The following VWA3B variants were observed in gnomAD, a reference collection of about 807,000 sequenced individuals.
VWA3B encodes the protein von Willebrand factor A domain containing 3B.
A neutral mutation model predicts 158.3 loss-of-function variants in VWA3B; 138 were observed. The observed-to-expected ratio is 0.87, with a 90% CI of 0.76 to 1.00. The LOEUF is 1.00. Among genes scored for constraint, VWA3B ranks in the 50% least tolerant of loss-of-function variants. VWA3B has a pLI of 0.00. For missense variants in VWA3B, 1,555 were observed against 1,565.1 expected, an observed-to-expected ratio of 0.99 and a Z score of 0.11; for synonymous variants, 596 against 587.3, an observed-to-expected ratio of 1.01 and a Z score of -0.21.
intron 2 of VWA3B, among the ~76,000 whole-genome samples, chr2:98,106,226 A>G (rs1023322579): frequency 2.0e-5 from 3 of 151,840 alleles, no homozygotes; most frequent in Non-Finnish European, 1.5e-5. Context: ...TAGGTTCTCT[A>G]TTTGTTCTAT....
intron 7 of VWA3B, among the ~76,000 whole-genome samples, chr2:98,162,069 A>G (rs1678641001): frequency 6.6e-6 from 1 of 152,036 alleles, no homozygotes; most frequent in Admixed American, 6.6e-5. Flanking sequence ...CATGGCTGGG[A>G]CCTTGACTTT....
At chr2:98,249,800 C>A (rs1311259200) in intron 19 of VWA3B, among the ~76,000 whole-genome samples, 1 of 151,936 alleles carries the variant, frequency 6.6e-6, no homozygotes, top group Non-Finnish European at 1.5e-5. Flanking sequence ...GAGTAAAACT[C>A]CATCTCAAAA....
intron 2 of VWA3B, among the ~76,000 whole-genome samples, chr2:98,105,925 A>AT (rs1046329870): frequency 2.0e-5 from 3 of 150,742 alleles, no homozygotes; most frequent in Admixed American, 1.3e-4. Flanking sequence ...TATTTGATTT[A>AT]TTTTTTTTGA....
intron 14 of VWA3B, among the ~76,000 whole-genome samples, chr2:98,225,669 AATGTATTATCTAC>A (rs1310714295): frequency 6.6e-6 from 1 of 151,942 alleles, no homozygotes; most frequent in East Asian, 1.9e-4. Context: ...ATGTGCAGGT[AATGTATTATCTAC>A]ATAGAAAACC....
chr2:98,298,411 T>G (rs1339672883), intron 24 of VWA3B, among the ~76,000 whole-genome samples: 1 of 150,846 alleles, frequency 6.6e-6, no homozygotes, highest in Non-Finnish European at 1.5e-5. Flanking sequence ...TCTATTCTAT[T>G]CTATTCTATT....
intron 12 of VWA3B, among the ~76,000 whole-genome samples, chr2:98,209,732 A>G (rs1462798059): frequency 6.6e-6 from 1 of 152,126 alleles, no homozygotes; most frequent in Non-Finnish European, 1.5e-5. Context: ...TATTGGCATC[A>G]GTGGGTTGCT....
intron 16 of VWA3B, among the ~76,000 whole-genome samples, chr2:98,231,079 G>C (rs1685306701): frequency 6.6e-6 from 1 of 152,186 alleles, no homozygotes; most frequent in Non-Finnish European, 1.5e-5. Context: ...ATGTAACGAA[G>C]TATGTGCAGA....
intron 7 of VWA3B, among the ~76,000 whole-genome samples, chr2:98,160,031 A>G (rs1227513422): frequency 6.6e-6 from 1 of 151,430 alleles, no homozygotes; most frequent in African/African-American, 2.4e-5. Flanking sequence ...AAAGATACAT[A>G]AAGATACATA....
chr2:98,183,589 C>T (rs1320942700), intron 9 of VWA3B, among the ~76,000 whole-genome samples: 4 of 152,342 alleles, frequency 2.6e-5, no homozygotes, highest in South Asian at 4.1e-4. Flanking sequence ...ACTGCATGCA[C>T]GGTTGCTTGA....
At chr2:98,287,624 T>C (rs530591363) in intron 22 of VWA3B, among the ~76,000 whole-genome samples, 1 of 152,292 alleles carries the variant, frequency 6.6e-6, no homozygotes, top group South Asian at 2.1e-4. Context: ...ATGCTAATAG[T>C]TTCTGCATGT....
Position 98,213,065 on chromosome 2 carries a change from G to A in VWA3B, c.1836+1037G>A, listed in dbSNP as rs115412052. ...CTGTACAGATGGAGGGAAGGTCAGG[G>A]CAGGTTCCAGCGAGGCGGGGACATT... On this transcript the variant is annotated intron_variant, in intron 13 of 27. Transcript: ENST00000477737. Among the ~76,000 whole-genome samples, 1,041 of 152,300 alleles carry A rather than the reference G, an allele frequency of 6.8e-3. 10 individuals are homozygous for A. Among genetic ancestry groups the A allele is most frequent in the African/African-American group, 0.024 (992 of 41,546 alleles).
intron 23 of VWA3B, among the ~76,000 whole-genome samples, chr2:98,295,469 G>C (rs1406106722): frequency 6.6e-6 from 1 of 152,182 alleles, no homozygotes; most frequent in Non-Finnish European, 1.5e-5. Context: ...GCCTCCATAG[G>C]AGCACAGGCC....
chr2:98,230,348 G>A, intron 16 of VWA3B, 141 bp downstream of exon 16: 1 of 865,426 alleles, frequency 1.2e-6, no homozygotes, highest in Non-Finnish European at 1.6e-6. Context: ...TAAAATAATT[G>A]TACATTCACA....
At chr2:98,236,208 G>A (rs1685666106) in intron 17 of VWA3B, among the ~76,000 whole-genome samples, 182 bp from the exon 18 acceptor site, 1 of 152,214 alleles carries the variant, frequency 6.6e-6, no homozygotes, top group South Asian at 2.1e-4. Context: ...TTGGTCTGTA[G>A]TGTAAATTGC....
chr2:98,292,923 C>G (rs2105956474), intron 23 of VWA3B, among the ~76,000 whole-genome samples: 1 of 151,890 alleles, frequency 6.6e-6, no homozygotes, highest in African/African-American at 2.4e-5. Context: ...AAGATCTTGC[C>G]ACTGCACTCT....
chr2:98,280,839 C>T (rs980733431), intron 22 of VWA3B, among the ~76,000 whole-genome samples: 2 of 152,206 alleles, frequency 1.3e-5, no homozygotes, highest in Admixed American at 6.5e-5. Flanking sequence ...AAGCCTTGGC[C>T]GGCCAGGCAG....
chr2:98,244,396 T>C (rs2105773118), intron 19 of VWA3B, among the ~76,000 whole-genome samples: 1 of 151,764 alleles, frequency 6.6e-6, no homozygotes, highest in Admixed American at 6.6e-5. Context: ...AATTCTTTTA[T>C]CATTTGTGAA....
intron 9 of VWA3B, among the ~76,000 whole-genome samples, chr2:98,187,536 GTCGCTCTCTCT>G (rs1415996528): frequency 1.3e-5 from 2 of 152,190 alleles, no homozygotes; most frequent in African/African-American, 4.8e-5. Flanking sequence ...CTAGTCCACT[GTCGCTCTCTCT>G]TCTTTACCAG....
the VWA3B span, among the ~76,000 whole-genome samples, chr2:98,326,189 GAGAA>G: frequency 1.3e-5 from 2 of 151,980 alleles, no homozygotes; most frequent in Non-Finnish European, 2.9e-5. Flanking sequence ...CAAGAAAAAA[GAGAA>G]AACACAAATA....
Sources: allele counts gnomAD v4.1 joint callset (sites outside exome capture counted in the v4.1 genomes callset), GRCh38; gene constraint gnomAD v4.1.1; transcripts MANE v1.5; gene names NCBI Gene and HGNC (gene_info 2026-07-23, HGNC 2026-07-21).